Variants in TMC1 observed in about 807,000 individuals in gnomAD.
The protein encoded by TMC1 is transmembrane channel-like protein 1.
TMC1 carries 84 observed loss-of-function variants against 105.8 expected under a neutral mutation model. That is an observed-to-expected ratio of 0.79 (90% CI 0.67 to 0.95). The LOEUF (loss-of-function observed/expected upper bound fraction) is 0.95. TMC1 is among the 40% of genes least tolerant of loss of function. The pLI is 0.00. For missense variants in TMC1, 817 were observed against 914.1 expected (o/e 0.89, Z 1.37); for synonymous variants, 315 against 311.5 (o/e 1.01, Z -0.12).
intron 3 of TMC1, among the ~76,000 whole-genome samples, chr9:72,625,470 C>T (rs142991138): frequency 0.088 from 13,415 of 151,920 alleles, 697 homozygotes; most frequent in Non-Finnish European, 0.13. Flanking sequence ...AGGTGGATCA[C>T]GAGATCAGGA....
rs1202075037 is a variant in TMC1 at position 72,795,624 on chromosome 9, C to T, written c.1566+3272C>T. Among the ~76,000 whole-genome samples the T allele has an allele frequency of 6.6e-5, 10 of 152,150 alleles. 1 individual carries two copies. The highest frequency in any genetic ancestry group is 6.5e-4 in the Admixed American group (10 of 15,268). ...AGGGAGTTTGTTACCACCAGACCTG[C>T]TTTACAAGACATCTTGAAAGGAGCA... On this transcript the variant is annotated intron_variant, in intron 17 of 23. Coordinates refer to ENST00000297784, the MANE Select transcript of TMC1 (RefSeq NM_138691.3).
chr9:72,694,527 C>T lies in TMC1; in HGVS notation c.65-16C>T. The T allele has an allele frequency of 3.1e-6, 5 of 1,609,852 alleles. No homozygotes were observed. Among genetic ancestry groups the T allele is most frequent in the Non-Finnish European group, 4.2e-6 (5 of 1,177,392 alleles). ...CACTTTCTGACATTACTCATTGAAT[C>T]AAGTGCTATGTTTAGGTGAAGAGGA... On this transcript the variant is annotated splice_polypyrimidine_tract_variant and intron_variant, in intron 6 of 23. Coordinates refer to ENST00000297784, the MANE Select transcript of TMC1 (RefSeq NM_138691.3).
rs185263627 is a variant in TMC1 at position 72,755,199 on chromosome 9, T to G, written c.741+315T>G. Among the ~76,000 whole-genome samples the G allele has an allele frequency of 8.6e-3, 1,303 of 152,252 alleles. 9 individuals are homozygous for G. Among genetic ancestry groups the G allele is most frequent in the Non-Finnish European group, 0.015 (1,001 of 68,012 alleles). On this transcript the variant is annotated intron_variant, in intron 12 of 23. Transcript: ENST00000297784. ...CAATGGTAATATGATTATATGGGAA[T>G]ATAGACTACTGGATAAAGGTGAGCT...
chr9:72,803,280 T>C (rs1828508615), intron 17 of TMC1, among the ~76,000 whole-genome samples: 1 of 152,076 alleles, frequency 6.6e-6, no homozygotes, highest in Non-Finnish European at 1.5e-5. Flanking sequence ...ATAAAAACCA[T>C]AGAAGAAAAT....
chr9:72,560,474 G>A (rs1824025451), intron 1 of TMC1, among the ~76,000 whole-genome samples: 1 of 152,032 alleles, frequency 6.6e-6, no homozygotes, highest in African/African-American at 2.4e-5. Flanking sequence ...GTATGTGTCT[G>A]TGATGGAGTT....
At chr9:72,652,359 T>A (rs1825826821) in intron 5 of TMC1, among the ~76,000 whole-genome samples, 1 of 152,192 alleles carries the variant, frequency 6.6e-6, no homozygotes, top group Non-Finnish European at 1.5e-5. Context: ...AGTTAAAGTT[T>A]CTAAAATCAC....
chr9:72,539,430 AT>A (rs1823640366), intron 1 of TMC1, among the ~76,000 whole-genome samples: 1 of 151,794 alleles, frequency 6.6e-6, no homozygotes, highest in Non-Finnish European at 1.5e-5. Context: ...ACAAAACAAA[AT>A]TTCCGCCAGA....
intron 5 of TMC1, among the ~76,000 whole-genome samples, chr9:72,665,155 C>A (rs894966487): frequency 3.3e-5 from 5 of 152,148 alleles, no homozygotes; most frequent in African/African-American, 1.2e-4. Context: ...TATGATACCA[C>A]CTTTGTGTAT....
intron 1 of TMC1, among the ~76,000 whole-genome samples, chr9:72,560,791 CTCTA>C (rs1430519308): frequency 1.7e-4 from 26 of 149,176 alleles, no homozygotes; most frequent in African/African-American, 6.5e-4. Flanking sequence ...GCCTCATTTT[CTCTA>C]TCTGTCTGCT....
At chr9:72,649,154 T>C (rs1825761847) in intron 5 of TMC1, among the ~76,000 whole-genome samples, 1 of 152,182 alleles carries the variant, frequency 6.6e-6, no homozygotes, top group African/African-American at 2.4e-5. Flanking sequence ...CCTATTGTTG[T>C]AGGATATTTA....
chr9:72,657,992 G>T (rs944327310), intron 5 of TMC1, among the ~76,000 whole-genome samples: 3 of 152,108 alleles, frequency 2.0e-5, no homozygotes, highest in Non-Finnish European at 4.4e-5. Context: ...ATGGGGAAAA[G>T]TCAGTTCCCA....
chr9:72,675,862 T>TCC (rs1436723102), intron 5 of TMC1, among the ~76,000 whole-genome samples: 1 of 152,178 alleles, frequency 6.6e-6, no homozygotes, highest in Non-Finnish European at 1.5e-5. Context: ...AGGAAAGGAA[T>TCC]TCTGAAGCTG....
chr9:72,794,207 A>G (rs1178171735), intron 17 of TMC1, among the ~76,000 whole-genome samples: 1 of 152,096 alleles, frequency 6.6e-6, no homozygotes, highest in Non-Finnish European at 1.5e-5. Flanking sequence ...CCCCCAGGAG[A>G]TAAGCAAAAG....
chr9:72,834,558 C>A (rs1001317240), intron 23 of TMC1, among the ~76,000 whole-genome samples: 1 of 152,120 alleles, frequency 6.6e-6, no homozygotes, highest in African/African-American at 2.4e-5. Context: ...CGAACTCCTG[C>A]CCAGAGAGTA....
At chr9:72,654,225 G>T (rs1825852964) in intron 5 of TMC1, among the ~76,000 whole-genome samples, 1 of 152,188 alleles carries the variant, frequency 6.6e-6, no homozygotes, top group South Asian at 2.1e-4. Context: ...ATTTTCACCA[G>T]CAGTGTATGA....
chr9:72,659,848 T>C (rs1825947738), intron 5 of TMC1, among the ~76,000 whole-genome samples: 1 of 152,226 alleles, frequency 6.6e-6, no homozygotes, highest in Non-Finnish European at 1.5e-5. Context: ...GCTAATCCAC[T>C]CTTTTGTGCA....
intron 8 of TMC1, among the ~76,000 whole-genome samples, chr9:72,732,565 CAAAAA>C (rs57237757): frequency 1.1e-5 from 1 of 88,040 alleles, no homozygotes; most frequent in African/African-American, 4.5e-5. Context: ...GTCTCTGTCT[CAAAAA>C]AAAAAAAAAA....
intron 5 of TMC1, among the ~76,000 whole-genome samples, chr9:72,683,518 T>C (rs1048483948): frequency 1.4e-5 from 2 of 147,928 alleles, no homozygotes; most frequent in African/African-American, 4.9e-5. Flanking sequence ...TAAAGAGGTT[T>C]TTTTTTAAAA....
chr9:72,571,913 C>T (rs1281292432), intron 1 of TMC1, among the ~76,000 whole-genome samples: 7 of 150,156 alleles, frequency 4.7e-5, no homozygotes, highest in Admixed American at 6.6e-5. Context: ...CTCGGCTCAC[C>T]GCAACCTCTG....
Sources: gnomAD v4.1 joint callset for allele counts (sites outside exome capture counted in the v4.1 genomes callset) on GRCh38, gnomAD v4.1.1 for gene constraint, MANE v1.5 for transcripts, NCBI Gene and HGNC (gene_info 2026-07-23, HGNC 2026-07-21) for gene names.